RSPO3: variants seen among roughly 807,000 people sequenced by gnomAD.
RSPO3 encodes R-spondin-3.
In RSPO3, 17 loss-of-function variants were observed where a neutral mutation model predicts 36.5. That is an observed-to-expected ratio of 0.47 (90% CI 0.32 to 0.70). The LOEUF is 0.70. RSPO3 is among the 30% of genes least tolerant of loss of function. The probability of loss-of-function intolerance (pLI) is 0.04; values close to 1 mark genes in which losing one functional copy is unlikely to be tolerated. For synonymous variants in RSPO3, 108 were observed against 107.0 expected, an observed-to-expected ratio of 1.01 and a Z score of -0.06; for missense variants, 294 against 322.5, an observed-to-expected ratio of 0.91 and a Z score of 0.68.
intron 3 of RSPO3, among the ~76,000 whole-genome samples, chr6:127,152,317 G>T (rs1774505679): frequency 6.6e-6 from 1 of 152,104 alleles, no homozygotes; most frequent in South Asian, 2.1e-4. Flanking sequence ...GCTGGCTCCG[G>T]TTGTTTGCTC....
intron 1 of RSPO3, among the ~76,000 whole-genome samples, chr6:127,139,857 G>A (rs926014250): frequency 1.3e-5 from 2 of 152,064 alleles, no homozygotes; most frequent in Non-Finnish European, 2.9e-5. Flanking sequence ...AGCAACAGCT[G>A]GGGATGTTGA....
intron 4 of RSPO3, among the ~76,000 whole-genome samples, chr6:127,170,434 T>TACACACACACACACACACACACAC (rs141558102): frequency 6.7e-6 from 1 of 148,892 alleles, no homozygotes; most frequent in Admixed American, 6.7e-5. Flanking sequence ...GTTCCACACA[T>TACACACACACACACACACACACAC]ACACACACAC....
At chr6:127,190,624 T>C (rs1775390794) in intron 4 of RSPO3, among the ~76,000 whole-genome samples, 1 of 152,090 alleles carries the variant, frequency 6.6e-6, no homozygotes, top group Non-Finnish European at 1.5e-5. Flanking sequence ...AAAAGAAAAA[T>C]GTAATACTTA....
intron 4 of RSPO3, among the ~76,000 whole-genome samples, chr6:127,157,153 T>C (rs186527975): frequency 2.0e-5 from 3 of 152,244 alleles, no homozygotes; most frequent in Admixed American, 1.3e-4. Context: ...GATTTGGAAG[T>C]CAAATATTTC....
intron 2 of RSPO3, among the ~76,000 whole-genome samples, 158 bp from the exon 3 acceptor site, chr6:127,150,268 T>G (rs1257156889): frequency 3.3e-5 from 5 of 151,896 alleles, no homozygotes; most frequent in Non-Finnish European, 7.4e-5. Flanking sequence ...ACTAAATCAC[T>G]GTGGAGGAAT....
chr6:127,172,104 A>T (rs971746626), intron 4 of RSPO3, among the ~76,000 whole-genome samples: 1 of 142,322 alleles, frequency 7.0e-6, no homozygotes, highest in Admixed American at 7.3e-5. Context: ...TTAATTCATC[A>T]TATTACATAT....
At chr6:127,132,768 C>T (rs1402392921) in intron 1 of RSPO3, among the ~76,000 whole-genome samples, 4 of 152,084 alleles carry the variant, frequency 2.6e-5, no homozygotes, top group African/African-American at 9.7e-5. Flanking sequence ...CCTTTCTGTG[C>T]TTTCCTGTTT....
rs200728359 is a variant in RSPO3 at position 127,195,931 on chromosome 6, G to C, written c.743G>C (p.Arg248Pro). Reference sequence around the variant, plus strand: ...TCCAGCAAAGAAATCCCAGAGCAACGAGAAAACAAACAGCAGCAGAAGAAG... The same window carrying C: ...TCCAGCAAAGAAATCCCAGAGCAACCAGAAAACAAACAGCAGCAGAAGAAG... ...LESSKEIPEQ[R>P]ENKQQQKKRK... Residue 248 changes from arginine to proline, a missense_variant, in exon 5 of 5, where the codon CGA becomes CCA. Physicochemically the swap from Arg to Pro is moderately radical, Grantham distance 103. Transcript: ENST00000356698. 6.2e-7 allele frequency: 1 copy of C among 1,613,178 alleles called. No homozygotes were observed. The highest frequency in any genetic ancestry group is 1.1e-5 in the South Asian group (1 of 90,998).
intron 4 of RSPO3, among the ~76,000 whole-genome samples, chr6:127,195,617 CTTA>C (rs1775498807): frequency 6.6e-6 from 1 of 152,052 alleles, no homozygotes; most frequent in Non-Finnish European, 1.5e-5. Context: ...TGTTAGTTGC[CTTA>C]TTATATCATA....
chr6:127,174,025 A>G (rs1217226801), intron 4 of RSPO3, among the ~76,000 whole-genome samples: 1 of 151,858 alleles, frequency 6.6e-6, no homozygotes, highest in Non-Finnish European at 1.5e-5. Flanking sequence ...GGGAACATTG[A>G]TTTCCTTTAG....
intron 1 of RSPO3, among the ~76,000 whole-genome samples, chr6:127,124,741 A>G (rs1488065508): frequency 6.6e-6 from 1 of 152,104 alleles, no homozygotes; most frequent in Admixed American, 6.6e-5. Flanking sequence ...ATACATATGT[A>G]AAAGATGCTA....
intron 1 of RSPO3, among the ~76,000 whole-genome samples, chr6:127,134,288 C>A (rs146961689): frequency 2.1e-3 from 318 of 152,292 alleles, no homozygotes; most frequent in African/African-American, 7.0e-3. Flanking sequence ...ATGTAGTTAG[C>A]ATTTTTAAGT....
intron 4 of RSPO3, among the ~76,000 whole-genome samples, chr6:127,179,608 G>A (rs1401311046): frequency 1.3e-5 from 2 of 151,804 alleles, no homozygotes; most frequent in Non-Finnish European, 2.9e-5. Flanking sequence ...TTTTGTTGCT[G>A]TCATCATAAA....
At chr6:127,136,609 A>T (rs1279316624) in intron 1 of RSPO3, among the ~76,000 whole-genome samples, 2 of 152,202 alleles carry the variant, frequency 1.3e-5, no homozygotes, top group African/African-American at 4.8e-5. Context: ...TGGGCAGAAC[A>T]GGTGTTATCA....
chr6:127,152,760 A>G (rs1774515530), intron 3 of RSPO3, among the ~76,000 whole-genome samples: 1 of 152,142 alleles, frequency 6.6e-6, no homozygotes, highest in Admixed American at 6.6e-5. Context: ...AATGAAACAG[A>G]AACATCCACT....
At chr6:127,152,355 G>A (rs1043822771) in intron 3 of RSPO3, among the ~76,000 whole-genome samples, 18 of 152,034 alleles carry the variant, frequency 1.2e-4, no homozygotes, top group African/African-American at 2.7e-4. Flanking sequence ...ATCATATGGC[G>A]CCTAGCCTGC....
intron 4 of RSPO3, among the ~76,000 whole-genome samples, chr6:127,188,553 T>G (rs980530584): frequency 1.9e-4 from 29 of 151,986 alleles, no homozygotes; most frequent in African/African-American, 6.5e-4. Context: ...AAATTATTTC[T>G]AAATTAGATA....
At chr6:127,170,235 G>A (rs1774908742) in intron 4 of RSPO3, among the ~76,000 whole-genome samples, 1 of 151,682 alleles carries the variant, frequency 6.6e-6, no homozygotes, top group South Asian at 2.1e-4. Flanking sequence ...GAAAAAAATT[G>A]TTTTAAAATG....
At position 127,196,990 on chromosome 6, in the gene RSPO3, A is replaced by G. The variant is rs1775527025; in HGVS notation, c.*983A>G. The stretch of plus-strand genomic sequence containing the variant: ...TACTATTTTCTAACAAGGTATATCT[A>G]GTAGGGGAGAAAGCCACCACAATAA... On this transcript the variant is annotated 3_prime_UTR_variant, in exon 5 of 5. Coordinates refer to ENST00000356698, the MANE Select transcript of RSPO3 (RefSeq NM_032784.5). 6.3e-6 allele frequency: 1 copy of G among 157,614 alleles called. No homozygotes were observed. Among genetic ancestry groups the G allele is most frequent in the Non-Finnish European group, 1.4e-5 (1 of 70,950 alleles). 9.8% of individuals were successfully genotyped at this position (157,614 alleles called of 1,614,324 possible).
Sources: allele counts gnomAD v4.1 joint callset (sites outside exome capture counted in the v4.1 genomes callset), GRCh38; gene constraint gnomAD v4.1.1; transcripts MANE v1.5; gene names NCBI Gene and HGNC (gene_info 2026-07-23, HGNC 2026-07-21).